The following GRIP2 variants were observed in gnomAD, a reference collection of about 807,000 sequenced individuals.
The protein encoded by GRIP2 is glutamate receptor interacting protein 2.
Under a neutral mutation model 108.3 loss-of-function variants are expected in GRIP2, and 58 were observed. The ratio of observed to expected loss-of-function variants is 0.54; its 90% CI spans 0.43 to 0.67. The LOEUF is 0.67. Ranked by LOEUF, GRIP2 falls within the 30% of genes least tolerant of loss-of-function variation. The pLI, the probability that GRIP2 is intolerant of heterozygous loss-of-function variation, is 0.00. For missense variants in GRIP2, 1,278 were observed against 1,430.6 expected, an observed-to-expected ratio of 0.89 and a Z score of 1.72; for synonymous variants, 586 against 598.2, an observed-to-expected ratio of 0.98 and a Z score of 0.30.
At chr3:14,571,277 G>A in the GRIP2 span, among the ~76,000 whole-genome samples, 6 of 152,114 alleles carry the variant, frequency 3.9e-5, no homozygotes, top group Non-Finnish European at 8.8e-5. Flanking sequence ...ACATTGCCTG[G>A]CCTCGTAGGC....
chr3:14,530,869 C>T (rs2124941720), intron 1 of GRIP2: 1 of 152,246 alleles, frequency 6.6e-6, no homozygotes, highest in Admixed American at 6.5e-5. Flanking sequence ...ACAAACAATC[C>T]AATTAAATCT....
intron 1 of GRIP2, among the ~76,000 whole-genome samples, chr3:14,535,699 TG>T: frequency 6.6e-6 from 1 of 152,354 alleles, no homozygotes; most frequent in South Asian, 2.1e-4. Context: ...TCAAGGGAAC[TG>T]CCCAGGGGCA....
At chr3:14,575,093 G>A in the GRIP2 span, among the ~76,000 whole-genome samples, 37 of 152,254 alleles carry the variant, frequency 2.4e-4, 1 homozygote, top group African/African-American at 8.9e-4. Context: ...GTGGCAGGGT[G>A]GGGGGATCTT....
chr3:14,562,414 A>C, the GRIP2 span, among the ~76,000 whole-genome samples: 3 of 152,250 alleles, frequency 2.0e-5, no homozygotes, highest in Non-Finnish European at 4.4e-5. Flanking sequence ...ACAAAACTGC[A>C]GTGATCCATG....
At chr3:14,548,520 G>T (rs1343671078) in intron 1 of GRIP2, among the ~76,000 whole-genome samples, 1 of 152,214 alleles carries the variant, frequency 6.6e-6, no homozygotes, top group Non-Finnish European at 1.5e-5. Context: ...GGTGGGCACA[G>T]CTGTCATCCC....
At chr3:14,517,605 G>A (rs1445363467) in intron 10 of GRIP2, among the ~76,000 whole-genome samples, 167 bp downstream of exon 10, 5 of 147,128 alleles carry the variant, frequency 3.4e-5, no homozygotes, top group African/African-American at 1.3e-4. Flanking sequence ...AGGCTGAAGC[G>A]ATCCTCCCGC....
At chr3:14,560,194 C>T (rs1021659348), upstream of GRIP2, among the ~76,000 whole-genome samples, 1 of 152,062 alleles carries the variant, frequency 6.6e-6, no homozygotes, top group Admixed American at 6.6e-5. Context: ...TTTGAGGCTG[C>T]AGTGATCTCT....
chr3:14,590,400 C>G, the GRIP2 span, among the ~76,000 whole-genome samples: 1 of 152,182 alleles, frequency 6.6e-6, no homozygotes, highest in Non-Finnish European at 1.5e-5. Flanking sequence ...TGAATGATTT[C>G]TTTTGTTATA....
In GRIP2 at chr3:14,533,682, CT is replaced by C. The variant is rs1694764563; in HGVS notation, c.40+6586del. ...CAAGTTTGTCTCTGACACTGCCTGT[CT>C]TCCCTTTCCTCACCCCAATATTCAG... On this transcript the variant is annotated intron_variant, in intron 1 of 23. Transcript: ENST00000621039. 2.0e-5 allele frequency among the ~76,000 whole-genome samples: 3 copies of C among 152,184 alleles called. 1 individual carries two copies. In the South Asian group the frequency reaches 6.2e-4, roughly 32 times the overall value.
chr3:14,594,052 G>A, the GRIP2 span, among the ~76,000 whole-genome samples: 3 of 152,286 alleles, frequency 2.0e-5, no homozygotes, highest in Middle Eastern at 3.4e-3. Context: ...CTCTCCTGGC[G>A]AGGTGCAGCC....
At chr3:14,518,935 C>T (rs1457884891) in intron 9 of GRIP2, among the ~76,000 whole-genome samples, 2 of 152,158 alleles carry the variant, frequency 1.3e-5, no homozygotes, top group Non-Finnish European at 2.9e-5. Context: ...GTGCCTGGCA[C>T]TTAGTAGAAG....
chr3:14,526,129 G>GGTTA, intron 1 of GRIP2, 198 bp from the exon 2 acceptor site: 1 of 617,282 alleles, frequency 1.6e-6, no homozygotes. Context: ...TGCTCTTGGG[G>GGTTA]CTGAGTAACA....
chr3:14,601,873 A>G, the GRIP2 span, among the ~76,000 whole-genome samples: 6 of 152,216 alleles, frequency 3.9e-5, no homozygotes, highest in African/African-American at 1.2e-4. Context: ...CCTGGAAACT[A>G]CTAAAAGCTT....
chr3:14,551,253 A>G (rs1382884392), intron 1 of GRIP2, among the ~76,000 whole-genome samples: 1 of 152,246 alleles, frequency 6.6e-6, no homozygotes, highest in Non-Finnish European at 1.5e-5. Context: ...TAAGACAGGC[A>G]GATGGTCCTG....
exon 1 of GRIP2, chr3:14,556,047 T>C (rs1257424329): frequency 7.5e-6 from 3 of 398,366 alleles, no homozygotes; most frequent in African/African-American, 2.1e-5. Flanking sequence ...CAGAGCTGCT[T>C]GCGCTAACTG....
At chr3:14,534,660 T>C (rs1368655425) in intron 1 of GRIP2, among the ~76,000 whole-genome samples, 1 of 151,876 alleles carries the variant, frequency 6.6e-6, no homozygotes, top group African/African-American at 2.4e-5. Flanking sequence ...CCGGCGAATG[T>C]GGGGTGTGCA....
chr3:14,563,669 C>T, the GRIP2 span, among the ~76,000 whole-genome samples: 2 of 151,988 alleles, frequency 1.3e-5, no homozygotes, highest in African/African-American at 4.8e-5. Context: ...GCACAGAACT[C>T]GGGGCTCCAC....
At chr3:14,516,429 CA>C (rs1694249563) in intron 11 of GRIP2, among the ~76,000 whole-genome samples, 1 of 152,194 alleles carries the variant, frequency 6.6e-6, no homozygotes, top group South Asian at 2.1e-4. Flanking sequence ...AGACTGTTCC[CA>C]AGAAGGGTTT....
intron 1 of GRIP2, among the ~76,000 whole-genome samples, chr3:14,553,468 C>G (rs1346093705): frequency 6.6e-6 from 1 of 152,174 alleles, no homozygotes; most frequent in East Asian, 1.9e-4. Context: ...AACTCCTACT[C>G]ATCCTTAAAT....
Sources: allele counts gnomAD v4.1 joint callset (sites outside exome capture counted in the v4.1 genomes callset), GRCh38; gene constraint gnomAD v4.1.1; transcripts MANE v1.5; gene names NCBI Gene and HGNC (gene_info 2026-07-23, HGNC 2026-07-21).